TTC23: variants seen among roughly 807,000 people sequenced by gnomAD.
The protein encoded by TTC23 is tetratricopeptide repeat protein 23.
Under a neutral mutation model 55.1 loss-of-function variants are expected in TTC23, and 58 were observed. That is an observed-to-expected ratio of 1.05 (90% CI 0.85 to 1.31). The LOEUF is 1.31. Ranked by LOEUF, TTC23 falls within the 50% of genes most tolerant of loss-of-function variation. The pLI is 0.00. For synonymous variants in TTC23, 203 were observed against 199.9 expected, an observed-to-expected ratio of 1.02 and a Z score of -0.13; for missense variants, 516 against 534.4, an observed-to-expected ratio of 0.97 and a Z score of 0.34.
At chr15:99,216,464 A>T (rs1168896338) in intron 8 of TTC23, among the ~76,000 whole-genome samples, 1 of 152,082 alleles carries the variant, frequency 6.6e-6, no homozygotes, top group Non-Finnish European at 1.5e-5. Flanking sequence ...TAAGCGGGCA[A>T]TAGATGTAAG....
chr15:99,198,153 C>G (rs2075900224), intron 9 of TTC23, among the ~76,000 whole-genome samples: 1 of 152,134 alleles, frequency 6.6e-6, no homozygotes, highest in South Asian at 2.1e-4. Context: ...ACTTTCTGAC[C>G]TATATTTTGA....
At chr15:99,240,392 T>C (rs1279339543) in intron 3 of TTC23, among the ~76,000 whole-genome samples, 2 of 152,242 alleles carry the variant, frequency 1.3e-5, no homozygotes, top group Non-Finnish European at 2.9e-5. Flanking sequence ...CTTGTATATA[T>C]ATATTTTTTT....
intron 10 of TTC23, among the ~76,000 whole-genome samples, chr15:99,174,211 T>G (rs1190129865): frequency 6.6e-6 from 1 of 152,214 alleles, no homozygotes; most frequent in Non-Finnish European, 1.5e-5. Context: ...CGAAGCTCCC[T>G]GCCTGGCCCA....
At position 99,177,935 on chromosome 15, in the gene TTC23, C is replaced by A. The variant is rs148885243; in HGVS notation, c.760-2780G>T. Among the ~76,000 whole-genome samples, 228 of 152,174 alleles carry A rather than the reference C, an allele frequency of 1.5e-3. 1 individual carries two copies. Among genetic ancestry groups the A allele is most frequent in the African/African-American group, 5.3e-3 (222 of 41,514 alleles). ...TGGCTCATGCCTATAATCTCAGCAC[C>A]TTGGGAGGCCGAGGCAGGAGGATCA... On this transcript the variant is annotated intron_variant, in intron 9 of 13. Transcript: ENST00000394132.
chr15:99,251,171 G>C (rs1379267893), upstream of TTC23: 1 of 152,270 alleles, frequency 6.6e-6, no homozygotes, highest in African/African-American at 2.4e-5. Flanking sequence ...AAGACGCTAA[G>C]CAAAAGCCAC....
At chr15:99,247,865 T>TCTA (rs1310694066) in intron 1 of TTC23, among the ~76,000 whole-genome samples, 10 of 151,912 alleles carry the variant, frequency 6.6e-5, no homozygotes, top group Non-Finnish European at 1.0e-4. Flanking sequence ...GTGATGGTTG[T>TCTA]GATTTTCTAA....
intron 11 of TTC23, chr15:99,160,423 T>C: frequency 6.6e-6 from 1 of 151,882 alleles, no homozygotes; most frequent in Non-Finnish European, 1.5e-5. Context: ...ATAAAAACAA[T>C]ACAAATAAAA....
At chr15:99,222,257 T>G (rs1402011915) in intron 5 of TTC23, among the ~76,000 whole-genome samples, 2 of 151,866 alleles carry the variant, frequency 1.3e-5, no homozygotes, top group South Asian at 4.2e-4. Context: ...ATAGTACACT[T>G]TGTGTGTGTG....
In TTC23 at chr15:99,241,432, T is replaced by C. The variant is rs930812963; in HGVS notation, c.-181A>G. On this transcript the variant is annotated 5_prime_UTR_variant, in exon 3 of 14. The change abolishes an upstream ATG in the 5' untranslated region. Coordinates refer to ENST00000394132, the MANE Select transcript of TTC23 (RefSeq NM_001288615.3). The stretch of plus-strand genomic sequence containing the variant: ...GCTATAGCTGGGGCTTAAAATTTCA[T>C]CAGACATCAGCCCAGGTCCCACAAA... 1 of 152,348 alleles carries C rather than the reference T, an allele frequency of 6.6e-6. No individual in the cohort carries two copies. Among genetic ancestry groups the C allele is most frequent in the Non-Finnish European group, 1.5e-5 (1 of 68,154 alleles). The allele number at this position is 152,348 out of a possible 1,614,324, so 9.4% of individuals were successfully genotyped here. A position where few individuals can be genotyped will look rare whatever the true frequency, so the allele number is the denominator to read the frequency against.
intron 8 of TTC23, among the ~76,000 whole-genome samples, chr15:99,218,066 G>A (rs555096587): frequency 3.3e-5 from 5 of 152,210 alleles, no homozygotes; most frequent in Non-Finnish European, 7.3e-5. Flanking sequence ...GTTGCTCTTT[G>A]GAGAAAGATA....
chr15:99,235,994 A>T (rs558792741), intron 3 of TTC23, among the ~76,000 whole-genome samples: 1 of 152,306 alleles, frequency 6.6e-6, no homozygotes, highest in South Asian at 2.1e-4. Flanking sequence ...CTTTCTTTTT[A>T]AGGCTAAATA....
intron 9 of TTC23, among the ~76,000 whole-genome samples, chr15:99,186,425 C>T (rs2074664457): frequency 6.6e-6 from 1 of 152,018 alleles, no homozygotes; most frequent in Admixed American, 6.6e-5. Context: ...TTTTTAACCT[C>T]AAGAGTAAAC....
At chr15:99,224,555 G>A (rs1028569869) in intron 5 of TTC23, among the ~76,000 whole-genome samples, 2 of 152,164 alleles carry the variant, frequency 1.3e-5, no homozygotes, top group African/African-American at 4.8e-5. Context: ...GCATTTAGCT[G>A]TTTGTAAATT....
At chr15:99,210,087 T>C (rs1306874867) in intron 8 of TTC23, among the ~76,000 whole-genome samples, 1 of 152,080 alleles carries the variant, frequency 6.6e-6, no homozygotes, top group Admixed American at 6.5e-5. Context: ...ATATGTTGTG[T>C]TATTTATTTA....
At chr15:99,218,425 G>C (rs567384602) in intron 8 of TTC23, among the ~76,000 whole-genome samples, 163 bp downstream of exon 8, 1 of 152,214 alleles carries the variant, frequency 6.6e-6, no homozygotes, top group East Asian at 1.9e-4. Flanking sequence ...GCCCTGGTTG[G>C]GGCTGCTCTG....
intron 8 of TTC23, among the ~76,000 whole-genome samples, chr15:99,210,979 C>T (rs1471523145): frequency 1.3e-5 from 2 of 152,184 alleles, no homozygotes; most frequent in Admixed American, 1.3e-4. Context: ...TCCCCATCCC[C>T]TTTCCTTTTG....
Position 99,218,666 on chromosome 15 carries a change from T to A in TTC23, c.503A>T (p.Lys168Met). 2 of 1,614,216 alleles carry A rather than the reference T, an allele frequency of 1.2e-6. No individual in the cohort carries two copies. ...ENLTKAERLS[K>M]ELLQCGRIIK... is the part of the protein sequence containing the mutation. ...AATTCTTCCACATTGTAGCAGCTCCTTTGAAAGTCTCTCTGCTTTTGTCAA... is the reference window on the plus strand; with the variant it reads ...AATTCTTCCACATTGTAGCAGCTCCATTGAAAGTCTCTCTGCTTTTGTCAA... Residue 168 changes from lysine (K) to methionine (M), a missense_variant, in exon 8 of 14, where the codon AAG (lysine) becomes ATG (methionine). Physicochemically the swap from Lys to Met is moderately conservative, Grantham distance 95. Transcript: ENST00000394132.
chr15:99,145,057 G>A (rs782378300), intron 12 of TTC23: 9 of 152,218 alleles, frequency 5.9e-5, no homozygotes, highest in Non-Finnish European at 1.0e-4. Context: ...GACTAACTTG[G>A]GGGAATTGAA....
chr15:99,147,837 A>G (rs139715322), intron 12 of TTC23, among the ~76,000 whole-genome samples: 216 of 152,138 alleles, frequency 1.4e-3, no homozygotes, highest in African/African-American at 5.0e-3. Flanking sequence ...CTCTGTGGGA[A>G]CTCCAAATTT....
Sources: gnomAD v4.1 joint callset for allele counts (sites outside exome capture counted in the v4.1 genomes callset) on GRCh38, gnomAD v4.1.1 for gene constraint, MANE v1.5 for transcripts, NCBI Gene and HGNC (gene_info 2026-07-23, HGNC 2026-07-21) for gene names.